The following RIMKLB variants were observed in gnomAD, a reference collection of about 807,000 sequenced individuals.
RIMKLB encodes the protein beta-citrylglutamate synthase B.
A neutral mutation model predicts 32.0 loss-of-function variants in RIMKLB; 7 were observed. The observed-to-expected ratio is 0.22, with a 90% confidence interval of 0.12 to 0.41. The LOEUF is 0.41. Among genes scored for constraint, RIMKLB ranks in the 10% least tolerant of loss-of-function variants. RIMKLB has a pLI of 1.00. For synonymous variants in RIMKLB, 172 were observed against 185.1 expected (o/e 0.93, Z 0.57); for missense variants, 289 against 498.7 (o/e 0.58, Z 4.00).
At chr12:8,727,791 CAGGAGA>C (rs1436055861) in intron 2 of RIMKLB, among the ~76,000 whole-genome samples, 1 of 151,598 alleles carries the variant, frequency 6.6e-6, no homozygotes, top group Non-Finnish European at 1.5e-5. Context: ...CCCAGCTACT[CAGGAGA>C]CTGAGGCAGG....
Position 8,776,810 on chromosome 12 carries a change from C to A in RIMKLB, c.*3026C>A. The stretch of plus-strand genomic sequence containing the variant: ...TAGAAAAACCCAACAAGAGACTTGG[C>A]ATTCATCAAGCACATTATCAGACTT... On this transcript the variant is annotated 3_prime_UTR_variant, in exon 6 of 6. Coordinates refer to ENST00000535829, the MANE Select transcript of RIMKLB (RefSeq NM_001297776.2). 1.0e-6 allele frequency: 1 copy of A among 985,584 alleles called. No homozygotes were observed. Among genetic ancestry groups the A allele is most frequent in the Non-Finnish European group, 1.2e-6 (1 of 829,808 alleles). 61.1% of individuals were successfully genotyped at this position (985,584 alleles called of 1,614,324 possible).
rs911297849 is a variant in RIMKLB at position 8,774,600 on chromosome 12, G to A, written c.*816G>A. 7.4e-6 allele frequency: 7 copies of A among 945,268 alleles called. No individual in the cohort carries two copies. In the African/African-American group the frequency reaches 7.4e-5, roughly 10 times the overall value. 58.6% of individuals were successfully genotyped at this position (945,268 alleles called of 1,614,324 possible). The stretch of plus-strand genomic sequence containing the variant: ...TTTTTTTTTTTTTTAATACATGCTA[G>A]TCTAACATTTCCTGCTCTATGCCTG... On this transcript the variant is annotated 3_prime_UTR_variant, in exon 6 of 6. Coordinates refer to ENST00000535829, the MANE Select transcript of RIMKLB (RefSeq NM_001297776.2).
upstream of RIMKLB, among the ~76,000 whole-genome samples, chr12:8,695,560 T>C (rs1942861954): frequency 7.0e-6 from 1 of 143,406 alleles, no homozygotes; most frequent in East Asian, 1.9e-4. Context: ...TTAAGCCTTA[T>C]CATTGGCTTT....
At chr12:8,684,961 A>G (rs1942528752) in intron 1 of RIMKLB, among the ~76,000 whole-genome samples, 1 of 152,216 alleles carries the variant, frequency 6.6e-6, no homozygotes, top group South Asian at 2.1e-4. Flanking sequence ...TCACTGATAT[A>G]TAGGAAAGCA....
At chr12:8,720,943 G>A (rs1421590922) in intron 2 of RIMKLB, among the ~76,000 whole-genome samples, 2 of 152,232 alleles carry the variant, frequency 1.3e-5, no homozygotes, top group East Asian at 3.9e-4. Context: ...AGAGTCTACT[G>A]GGACAGATTT....
rs561435606 is a variant in RIMKLB, at chr12:8,688,440, A to G, written n.219+6622A>G. On this transcript the variant is annotated intron_variant and non_coding_transcript_variant, in intron 1 of 1. Transcript: ENST00000538758. ...AGGGAAAGGGGAATGAGAAAACAGA[A>G]GATAAATAATAGAAATTATTTTCTT... is the stretch of plus-strand genomic sequence containing the variant. Among the ~76,000 whole-genome samples the G allele has an allele frequency of 2.0e-3, 299 of 152,348 alleles. 1 individual carries two copies. Among genetic ancestry groups the G allele is most frequent in the Non-Finnish European group, 3.3e-3 (223 of 68,034 alleles).
the RIMKLB span, among the ~76,000 whole-genome samples, chr12:8,674,697 G>A: frequency 6.6e-6 from 1 of 150,456 alleles, no homozygotes; most frequent in Non-Finnish European, 1.5e-5. Context: ...TTAGAGGCAT[G>A]TGACACCATG....
At chr12:8,689,812 G>A (rs1591600032) in intron 1 of RIMKLB, among the ~76,000 whole-genome samples, 1 of 152,180 alleles carries the variant, frequency 6.6e-6, no homozygotes, top group East Asian at 1.9e-4. Context: ...GGAGAAAATG[G>A]GGCTTCAGCT....
chr12:8,672,313 C>A, the RIMKLB span, among the ~76,000 whole-genome samples: 1 of 152,330 alleles, frequency 6.6e-6, no homozygotes, highest in Non-Finnish European at 1.5e-5. Context: ...AATTTGCTTC[C>A]ACATTTTCGG....
upstream of RIMKLB, among the ~76,000 whole-genome samples, chr12:8,680,911 A>G (rs1401480183): frequency 6.6e-6 from 1 of 152,156 alleles, no homozygotes; most frequent in African/African-American, 2.4e-5. Flanking sequence ...ATCTAAAGGA[A>G]ACAAACTTAC....
At chr12:8,707,989 A>C (rs1944046283) in intron 1 of RIMKLB, among the ~76,000 whole-genome samples, 1 of 152,208 alleles carries the variant, frequency 6.6e-6, no homozygotes, top group South Asian at 2.1e-4. Context: ...CAAATGGAAT[A>C]AATGCTATTA....
At chr12:8,727,413 C>G (rs1246363336) in intron 2 of RIMKLB, among the ~76,000 whole-genome samples, 1 of 152,028 alleles carries the variant, frequency 6.6e-6, no homozygotes, top group Non-Finnish European at 1.5e-5. Flanking sequence ...TTTTGTATTT[C>G]TTTAGTAGAG....
chr12:8,750,109 G>T lies in RIMKLB; in HGVS notation c.406+17G>T. 6.8e-7 allele frequency: 1 copy of T among 1,474,104 alleles called. No individual in the cohort carries two copies. 91.3% of individuals were successfully genotyped at this position (1,474,104 alleles called of 1,614,324 possible). ...TCTCTTATGGTGAGCCTACTAAAGAGCATACATAGCCTGAATATTAACCAC... is the reference window on the plus strand; with the variant it reads ...TCTCTTATGGTGAGCCTACTAAAGATCATACATAGCCTGAATATTAACCAC... On this transcript the variant is annotated intron_variant, in intron 3 of 5. Coordinates refer to ENST00000535829, the MANE Select transcript of RIMKLB (RefSeq NM_001297776.2).
Position 8,773,358 on chromosome 12 carries a change from G to A in RIMKLB, c.735G>A (p.Gly245=), listed in dbSNP as rs751816556. The change falls in exon 6 of 6, where the codon GGG becomes GGA. Residue 245 remains glycine, a synonymous_variant. Coordinates refer to ENST00000535829, the MANE Select transcript of RIMKLB (RefSeq NM_001297776.2). ...TGATGTGCTCATTGAGTGAACAAGG[G>A]AAGCAGCTAGCTATCCAGGTGTCTA... ...VGMMCSLSEQ[G]KQLAIQVSNI... is the part of the protein sequence containing the mutation. 7 of 1,614,118 alleles carry A rather than the reference G, an allele frequency of 4.3e-6. No individual in the cohort carries two copies. In the Admixed American group the frequency reaches 8.3e-5, roughly 19 times the overall value.
chr12:8,696,707 C>T (rs1323670049), upstream of RIMKLB, among the ~76,000 whole-genome samples: 1 of 152,154 alleles, frequency 6.6e-6, no homozygotes, highest in African/African-American at 2.4e-5. Flanking sequence ...GGTTATGCTA[C>T]ATCTTTTAAA....
chr12:8,698,942 C>T (rs181892697), intron 1 of RIMKLB, among the ~76,000 whole-genome samples: 2 of 145,322 alleles, frequency 1.4e-5, no homozygotes, highest in African/African-American at 5.2e-5. Context: ...TATTACACTA[C>T]TTGCCCCTCA....
At chr12:8,761,836 G>A (rs1196642173) in intron 5 of RIMKLB, among the ~76,000 whole-genome samples, 2 of 152,076 alleles carry the variant, frequency 1.3e-5, no homozygotes, top group African/African-American at 4.8e-5. Flanking sequence ...GTATAGTAGG[G>A]GTCGTGCAGT....
chr12:8,732,716 G>A (rs1168547570), intron 2 of RIMKLB, among the ~76,000 whole-genome samples: 1 of 151,726 alleles, frequency 6.6e-6, no homozygotes, highest in Admixed American at 6.6e-5. Flanking sequence ...TATTCTTCCG[G>A]GGGAAAGCGT....
intron 2 of RIMKLB, among the ~76,000 whole-genome samples, chr12:8,744,386 C>G (rs1245721283): frequency 1.3e-5 from 2 of 151,870 alleles, no homozygotes; most frequent in Non-Finnish European, 2.9e-5. Context: ...AACAGATAGG[C>G]TGTTTATACT....
Sources: allele counts gnomAD v4.1 joint callset (sites outside exome capture counted in the v4.1 genomes callset), GRCh38; gene constraint gnomAD v4.1.1; transcripts MANE v1.5; gene names NCBI Gene and HGNC (gene_info 2026-07-23, HGNC 2026-07-21).